CSMD1: variants seen among roughly 807,000 people sequenced by gnomAD.
CSMD1 encodes the protein CUB and sushi domain-containing protein 1.
Under a neutral mutation model 417.5 loss-of-function variants are expected in CSMD1, and 213 were observed. The ratio of observed to expected loss-of-function variants is 0.51; its 90% CI spans 0.46 to 0.57. The LOEUF (loss-of-function observed/expected upper bound fraction) is 0.57, where lower values mean the gene tolerates loss of function less well. Among genes scored for constraint, CSMD1 ranks in the 20% least tolerant of loss-of-function variants. CSMD1 has a pLI of 0.00. For synonymous variants in CSMD1, 2,862 were observed against 1,736.8 expected (o/e 1.65, Z -16.11); for missense variants, 6,923 against 4,529.7 (o/e 1.53, Z -15.17).
rs150783899 is a variant in CSMD1, at chr8:3,421,182, T to G, written c.1562-11577A>C. Among the ~76,000 whole-genome samples, 1,246 of 152,340 alleles carry G rather than the reference T, an allele frequency of 8.2e-3. 16 individuals carry two copies. The highest frequency in any genetic ancestry group is 0.028 in the African/African-American group (1,176 of 41,572). ...GCAATTTCTTTTCTTAAACTCATAC[T>G]ACAAGACAGTTGAAACCAAGTCTGG... On this transcript the variant is annotated intron_variant, in intron 12 of 69. Coordinates refer to ENST00000635120, the MANE Select transcript of CSMD1 (RefSeq NM_033225.6).
chr8:4,372,795 T>A (rs928090336), intron 3 of CSMD1, among the ~76,000 whole-genome samples: 4 of 151,536 alleles, frequency 2.6e-5, no homozygotes, highest in African/African-American at 9.7e-5. Flanking sequence ...ATAAATATAC[T>A]TGAGTGCATA....
chr8:3,893,981 C>G (rs1475166381), intron 5 of CSMD1, among the ~76,000 whole-genome samples: 2 of 152,134 alleles, frequency 1.3e-5, no homozygotes, highest in South Asian at 4.2e-4. Context: ...CTGGCAACAC[C>G]TCTTCCCATC....
intron 10 of CSMD1, among the ~76,000 whole-genome samples, chr8:3,546,402 G>A (rs1014913302): frequency 2.9e-4 from 44 of 152,152 alleles, no homozygotes; most frequent in African/African-American, 9.6e-4. Flanking sequence ...TGGGTTTGGT[G>A]GCATATTCCT....
At chr8:3,454,809 G>A (rs1460036878) in intron 12 of CSMD1, among the ~76,000 whole-genome samples, 1 of 152,102 alleles carries the variant, frequency 6.6e-6, no homozygotes, top group East Asian at 1.9e-4. Context: ...CTCTTCTCGA[G>A]GAGTATCTTT....
At chr8:4,399,193 C>T (rs1377836132) in intron 3 of CSMD1, among the ~76,000 whole-genome samples, 1 of 152,082 alleles carries the variant, frequency 6.6e-6, no homozygotes, top group Non-Finnish European at 1.5e-5. Flanking sequence ...TGATCCTAGC[C>T]TGGAATTTAC....
chr8:4,185,806 G>A (rs2131193614), intron 3 of CSMD1, among the ~76,000 whole-genome samples: 1 of 152,330 alleles, frequency 6.6e-6, no homozygotes, highest in South Asian at 2.1e-4. Flanking sequence ...GGCAGACCCA[G>A]TGCCAGAGTC....
chr8:3,984,704 CATATATATATATATATAT>C (rs59669026), intron 5 of CSMD1, among the ~76,000 whole-genome samples: 2,160 of 82,814 alleles, frequency 0.026, 44 homozygotes, highest in East Asian at 0.042. Context: ...GTGTATATAT[CATATATATATATATATAT>C]ATATATATAT....
At position 3,988,818 on chromosome 8, in the gene CSMD1, G is replaced by C. The variant is rs556475855; in HGVS notation, c.818+9085C>G. On this transcript the variant is annotated intron_variant, in intron 5 of 69. Coordinates refer to ENST00000635120, the MANE Select transcript of CSMD1 (RefSeq NM_033225.6). ...TTATATTTCCAAACAACAAGGAAGG[G>C]TCATCATTTAGGTCCTATTTTTTCC... Among the ~76,000 whole-genome samples the C allele has an allele frequency of 3.3e-5, 5 of 152,238 alleles. 1 individual carries two copies. The highest frequency in any genetic ancestry group is 3.3e-4 in the Admixed American group (5 of 15,292).
chr8:4,424,005 TAG>T (rs1797404747), intron 2 of CSMD1, among the ~76,000 whole-genome samples: 1 of 152,014 alleles, frequency 6.6e-6, no homozygotes. Context: ...TGGATGTCCA[TAG>T]CAAATAGTAA....
At chr8:4,298,949 A>G (rs1401733729) in intron 3 of CSMD1, among the ~76,000 whole-genome samples, 4 of 152,114 alleles carry the variant, frequency 2.6e-5, no homozygotes, top group Non-Finnish European at 4.4e-5. Flanking sequence ...CAATACATAT[A>G]TATGTCATAT....
chr8:2,966,831 G>A, intron 57 of CSMD1, 85 bp from the exon 58 acceptor site: 1 of 1,214,508 alleles, frequency 8.2e-7, no homozygotes, highest in Non-Finnish European at 1.2e-6. Context: ...GGGTATCAGT[G>A]CAATAGACTA....
chr8:4,809,739 A>C (rs1034873972), intron 1 of CSMD1, among the ~76,000 whole-genome samples: 1 of 152,254 alleles, frequency 6.6e-6, no homozygotes, highest in Non-Finnish European at 1.5e-5. Context: ...AACATGTAAT[A>C]AGTGAAAATT....
At chr8:4,100,393 T>C (rs1261288238) in intron 3 of CSMD1, among the ~76,000 whole-genome samples, 1 of 152,202 alleles carries the variant, frequency 6.6e-6, no homozygotes, top group Non-Finnish European at 1.5e-5. Flanking sequence ...ACCTTCCCTG[T>C]GTCTAGTCAG....
At chr8:3,152,982 G>C (rs182062578) in intron 39 of CSMD1, among the ~76,000 whole-genome samples, 2 of 152,314 alleles carry the variant, frequency 1.3e-5, no homozygotes, top group Admixed American at 1.3e-4. Flanking sequence ...AACTCCACCT[G>C]GAATAGGAGC....
intron 1 of CSMD1, among the ~76,000 whole-genome samples, chr8:4,659,891 A>G (rs1015820522): frequency 6.6e-6 from 1 of 152,134 alleles, no homozygotes; most frequent in East Asian, 1.9e-4. Context: ...CATGTCCATC[A>G]GGGAAAAAAT....
rs529498773 is a variant in CSMD1, at chr8:4,710,689, C to CA, written c.86-73132dup. Among the ~76,000 whole-genome samples, 3 of 151,242 alleles carry CA rather than the reference C, an allele frequency of 2.0e-5. No homozygotes were observed. In the East Asian group the frequency reaches 5.8e-4, roughly 29 times the overall value. ...TGAAACCCCGTCTCTACTAAAAATA[C>CA]AAAAAATTAGCCCAGCATGGGGCCA... On this transcript the variant is annotated intron_variant, in intron 1 of 69. Transcript: ENST00000635120.
intron 1 of CSMD1, among the ~76,000 whole-genome samples, chr8:4,898,851 G>C (rs1389907642): frequency 6.6e-6 from 1 of 152,112 alleles, no homozygotes; most frequent in East Asian, 1.9e-4. Flanking sequence ...AAATGACAGT[G>C]TGGTTTATTT....
At chr8:4,233,451 T>C (rs1700041) in intron 3 of CSMD1, among the ~76,000 whole-genome samples, 8,424 of 152,268 alleles carry the variant, frequency 0.055, 307 homozygotes, top group Middle Eastern at 0.13. Context: ...TATTTGGAGA[T>C]GGGACCTTTG....
intron 23 of CSMD1, among the ~76,000 whole-genome samples, chr8:3,309,633 G>C (rs1805173271): frequency 6.6e-6 from 1 of 150,848 alleles, no homozygotes; most frequent in Non-Finnish European, 1.5e-5. Flanking sequence ...AAAAGGGAGA[G>C]CTGGAAACTT....
Sources: allele counts gnomAD v4.1 joint callset (sites outside exome capture counted in the v4.1 genomes callset), GRCh38; gene constraint gnomAD v4.1.1; transcripts MANE v1.5; gene names NCBI Gene and HGNC (gene_info 2026-07-23, HGNC 2026-07-21).